Variants in MCTP1 observed in about 807,000 individuals in gnomAD.
MCTP1 encodes the protein multiple C2 and transmembrane domain-containing protein 1.
Under a neutral mutation model 120.6 loss-of-function variants are expected in MCTP1, and 69 were observed. The observed-to-expected ratio is 0.57, with a 90% CI of 0.47 to 0.70. The LOEUF is 0.70. Among genes scored for constraint, MCTP1 ranks in the 30% least tolerant of loss-of-function variants. The pLI, the probability that MCTP1 is intolerant of heterozygous loss-of-function variation, is 0.00. For synonymous variants in MCTP1, 529 were observed against 493.1 expected (o/e 1.07, Z -0.96); for missense variants, 1,203 against 1,248.8 (o/e 0.96, Z 0.55).
intron 1 of MCTP1, among the ~76,000 whole-genome samples, chr5:95,062,384 T>C (rs1749464176): frequency 6.6e-6 from 1 of 152,252 alleles, no homozygotes; most frequent in South Asian, 2.1e-4. Flanking sequence ...CCAAACTTTA[T>C]TCTAACTCTC....
At chr5:95,107,108 T>C (rs914637196) in intron 1 of MCTP1, among the ~76,000 whole-genome samples, 8 of 152,166 alleles carry the variant, frequency 5.3e-5, no homozygotes, top group African/African-American at 1.9e-4. Context: ...GATAAACAAA[T>C]GAATCCAGAG....
intron 1 of MCTP1, among the ~76,000 whole-genome samples, chr5:95,123,781 C>T (rs1758413122): frequency 6.6e-6 from 1 of 151,946 alleles, no homozygotes; most frequent in South Asian, 2.1e-4. Context: ...TCCCGAGTAG[C>T]TGGGACTACA....
Position 95,017,460 on chromosome 5 carries a change from T to C in MCTP1, c.745A>G (p.Ser249Gly). ...SQKIINTAGT[S>G]NAEVPLADPG... ...TCAGCCAAGGGGACTTCTGCATTAC[T>C]GGTTCCAGCAGTGTTTATTATTTTC... The change falls in exon 2 of 23, where the codon AGT (serine) becomes GGT (glycine). Residue 249 changes from serine to glycine, a missense_variant. Around this residue, in one of 2 missense-constraint regions of MCTP1, gnomAD observed 463 missense variants for 377.8 expected, o/e 1.23. Transcript: ENST00000515393. 1 of 1,608,320 alleles carries C rather than the reference T, an allele frequency of 6.2e-7. No individual in the cohort carries two copies. Among genetic ancestry groups the C allele is most frequent in the Non-Finnish European group, 8.5e-7 (1 of 1,176,366 alleles).
intron 1 of MCTP1, among the ~76,000 whole-genome samples, chr5:95,167,439 G>A (rs1746563066): frequency 6.6e-6 from 1 of 152,176 alleles, no homozygotes; most frequent in African/African-American, 2.4e-5. Context: ...TGGGATGGCT[G>A]GGTCAAATGG....
chr5:94,984,056 G>A (rs895332294), intron 2 of MCTP1, among the ~76,000 whole-genome samples: 1 of 152,134 alleles, frequency 6.6e-6, no homozygotes, highest in East Asian at 1.9e-4. Flanking sequence ...CCCCAGATTA[G>A]TCCTAAATCT....
intron 5 of MCTP1, among the ~76,000 whole-genome samples, chr5:94,934,276 T>C (rs1262624056): frequency 6.6e-6 from 1 of 151,776 alleles, no homozygotes. Flanking sequence ...TTGGGGATTG[T>C]GAAAGATAGA....
At chr5:94,708,892 A>G in intron 21 of MCTP1, 1 of 253,942 alleles carries the variant, frequency 3.9e-6, no homozygotes, top group Non-Finnish European at 7.7e-6. Flanking sequence ...CCTGTGTTAC[A>G]GTCTACTTAG....
intron 17 of MCTP1, among the ~76,000 whole-genome samples, chr5:94,812,401 C>T (rs937418484): frequency 7.4e-6 from 1 of 135,954 alleles, no homozygotes; most frequent in Non-Finnish European, 1.6e-5. Context: ...TTGTAAAAAG[C>T]AAGTGTAAAC....
intron 1 of MCTP1, among the ~76,000 whole-genome samples, chr5:95,237,433 C>T (rs1420272758): frequency 2.0e-5 from 3 of 152,106 alleles, no homozygotes; most frequent in East Asian, 1.9e-4. Flanking sequence ...TCTGGTAAGA[C>T]GGACCTCAAA....
chr5:95,282,648 T>C (rs1760418652), intron 1 of MCTP1, among the ~76,000 whole-genome samples: 1 of 152,240 alleles, frequency 6.6e-6, no homozygotes, highest in Admixed American at 6.5e-5. Context: ...GTCACTATTA[T>C]CTCTACTTAC....
At chr5:94,984,855 T>C (rs1428409469) in intron 2 of MCTP1, among the ~76,000 whole-genome samples, 1 of 152,150 alleles carries the variant, frequency 6.6e-6, no homozygotes, top group Admixed American at 6.6e-5. Context: ...ATATTAAGTA[T>C]AAAATATTTG....
At chr5:94,929,540 A>T in intron 6 of MCTP1, 1 of 650,504 alleles carries the variant, frequency 1.5e-6, no homozygotes, top group Non-Finnish European at 1.9e-6. Flanking sequence ...AAGAATTTTT[A>T]AGAAGATTGA....
chr5:95,070,600 T>A (rs1751901243), intron 1 of MCTP1, among the ~76,000 whole-genome samples: 1 of 152,210 alleles, frequency 6.6e-6, no homozygotes, highest in African/African-American at 2.4e-5. Context: ...CAAGCACTAC[T>A]CCTGTCTGCT....
Position 94,822,973 on chromosome 5 carries a change from C to T in MCTP1, c.2437-23841G>A, listed in dbSNP as rs557672661. 3.8e-4 allele frequency among the ~76,000 whole-genome samples: 58 copies of T among 152,224 alleles called. 2 individuals are homozygous for T. In the South Asian group the frequency reaches 0.012, roughly 31 times the overall value. On this transcript the variant is annotated intron_variant, in intron 17 of 22. Transcript: ENST00000515393. ...AGCCCTTTGTCAGATGGATAGATTGCAAACTTTTCTCCCACTCTGTAGGTT... is the reference window on the plus strand; with the variant it reads ...AGCCCTTTGTCAGATGGATAGATTGTAAACTTTTCTCCCACTCTGTAGGTT...
At chr5:94,875,282 G>A (rs1721270980) in intron 12 of MCTP1, among the ~76,000 whole-genome samples, 1 of 152,114 alleles carries the variant, frequency 6.6e-6, no homozygotes, top group Non-Finnish European at 1.5e-5. Context: ...GGGTGACCCA[G>A]AGGAACCGAC....
chr5:94,762,202 G>A lies in MCTP1; in HGVS notation c.2610+16908C>T, dbSNP rs369088665. On this transcript the variant is annotated intron_variant, in intron 19 of 22. Transcript: ENST00000515393. ...GACAGACTAAAGTTTATAAAGTCTG[G>A]TTGTTTCACTCTTTAATGACTTTTA... Among the ~76,000 whole-genome samples, 54 of 152,328 alleles carry A rather than the reference G, an allele frequency of 3.5e-4. No homozygotes were observed. The East Asian group carries it at 4.1e-3, about 11-fold the overall frequency.
At chr5:94,922,022 AATGAC>A (rs1811778824) in intron 7 of MCTP1, among the ~76,000 whole-genome samples, 1 of 152,194 alleles carries the variant, frequency 6.6e-6, no homozygotes, top group African/African-American at 2.4e-5. Context: ...ACCTCAAGGC[AATGAC>A]ATCAGTGTGA....
At chr5:95,014,296 G>C (rs1413767877) in intron 2 of MCTP1, among the ~76,000 whole-genome samples, 1 of 151,992 alleles carries the variant, frequency 6.6e-6, no homozygotes, top group Non-Finnish European at 1.5e-5. Context: ...TGATTTATGA[G>C]AGGAGGTCAA....
At chr5:94,791,112 C>CAAAAAAAAAA (rs60394333) in intron 18 of MCTP1, among the ~76,000 whole-genome samples, 7 of 99,648 alleles carry the variant, frequency 7.0e-5, no homozygotes, top group East Asian at 3.2e-4. Context: ...GTCTCTACTA[C>CAAAAAAAAAA]AAAAAAAAAA....
Sources: gnomAD v4.1 joint callset for allele counts (sites outside exome capture counted in the v4.1 genomes callset) on GRCh38, gnomAD v4.1.1 for gene constraint, gnomAD v4.1.1 regional missense constraint, MANE v1.5 for transcripts, NCBI Gene and HGNC (gene_info 2026-07-23, HGNC 2026-07-21) for gene names.